Variants in VPS13B observed in about 807,000 individuals in gnomAD.
The protein encoded by VPS13B is vacuolar protein sorting 13 homolog B, also known as intermembrane lipid transfer protein VPS13B.
A neutral mutation model predicts 426.4 loss-of-function variants in VPS13B; 285 were observed. The observed-to-expected ratio is 0.67, with a 90% CI of 0.61 to 0.74. The LOEUF (loss-of-function observed/expected upper bound fraction) is 0.74. Ranked by LOEUF, VPS13B falls within the 30% of genes least tolerant of loss-of-function variation. The probability of loss-of-function intolerance (pLI) is 0.00; values close to 1 mark genes in which losing one functional copy is unlikely to be tolerated. For missense variants in VPS13B, 4,537 were observed against 4,782.6 expected, an observed-to-expected ratio of 0.95 and a Z score of 1.51; for synonymous variants, 1,676 against 1,676.4, an observed-to-expected ratio of 1.00 and a Z score of 0.01.
rs370235149 is a variant in VPS13B, at chr8:99,832,341, A to ATTT, written c.9331-5_9331-3dup. 0.064 allele frequency: 72,512 copies of ATTT among 1,127,398 alleles called. 1,401 individuals are homozygous for ATTT. The highest frequency in any genetic ancestry group is 0.071 in the East Asian group (1,848 of 25,934). 69.8% of individuals were successfully genotyped at this position (1,127,398 alleles called of 1,614,324 possible). A position where few individuals can be genotyped will look rare whatever the true frequency, so the allele number is the denominator to read the frequency against. On this transcript the variant is annotated intron_variant, in intron 51 of 61. Coordinates refer to ENST00000357162, the MANE Select transcript of VPS13B (RefSeq NM_152564.5). ...TTACTGTAGCTAATGTGCTCTCTGC[A>ATTT]TTTTTTTTTTTTTTTTTTTTTTTTT... is the stretch of plus-strand genomic sequence containing the variant.
chr8:99,669,079 A>G (rs1588607981), intron 35 of VPS13B, among the ~76,000 whole-genome samples: 1 of 152,282 alleles, frequency 6.6e-6, no homozygotes, highest in South Asian at 2.1e-4. Flanking sequence ...CAGCACAGTT[A>G]GCCTATAGAA....
At chr8:99,773,005 T>G (rs988687305) in intron 40 of VPS13B, among the ~76,000 whole-genome samples, 4 of 152,174 alleles carry the variant, frequency 2.6e-5, no homozygotes, top group African/African-American at 7.2e-5. Flanking sequence ...GATAATCAAT[T>G]AACATTAACC....
At chr8:99,338,951 C>T (rs1431928576) in intron 19 of VPS13B, among the ~76,000 whole-genome samples, 1 of 152,074 alleles carries the variant, frequency 6.6e-6, no homozygotes, top group African/African-American at 2.4e-5. Flanking sequence ...TAATGAGTAT[C>T]ACAGATCAAA....
In VPS13B at chr8:99,136,717, A is replaced by G; in HGVS notation, c.1616A>G (p.Asp539Gly). The change falls in exon 12 of 62, where the codon GAT becomes GGT. Residue 539 changes from aspartate to glycine, a missense_variant. Asp to Gly is a moderately conservative substitution (Grantham distance 94). Coordinates refer to ENST00000357162, the MANE Select transcript of VPS13B (RefSeq NM_152564.5). Reference protein sequence around the residue: ...GMQRFGAFYMDYLYTMENTSG... With the variant: ...GMQRFGAFYMGYLYTMENTSG... The stretch of plus-strand genomic sequence containing the variant: ...CAACGGTTTGGGGCTTTTTATATGG[A>G]TTACCTGTATACAATGGAGAACACT... The G allele has an allele frequency of 6.2e-7, 1 of 1,613,614 alleles. No homozygotes were observed. Among genetic ancestry groups the G allele is most frequent in the East Asian group, 2.2e-5 (1 of 44,792 alleles).
At chr8:99,649,956 A>G (rs896413547) in intron 34 of VPS13B, among the ~76,000 whole-genome samples, 1 of 152,066 alleles carries the variant, frequency 6.6e-6, no homozygotes, top group East Asian at 1.9e-4. Context: ...CATTGGTCTG[A>G]TTTACTTTTC....
chr8:99,135,733 G>A lies in VPS13B; in HGVS notation c.1563G>A (p.Lys521=), dbSNP rs180177355. ...AEFILDSTHH[K]ETYTEIAGMQ... is the part of the protein sequence containing the mutation. ...TTATCTTGGATTCAACTCATCATAA[G>A]GTTAGAGAATATATATTTGAACCAA... Residue 521 remains lysine (K), a splice_region_variant and synonymous_variant, in exon 11 of 62, where the codon AAG becomes AAA. Coordinates refer to ENST00000357162, the MANE Select transcript of VPS13B (RefSeq NM_152564.5). 6.2e-7 allele frequency: 1 copy of A among 1,613,060 alleles called. No individual in the cohort carries two copies. The highest frequency in any genetic ancestry group is 8.5e-7 in the Non-Finnish European group (1 of 1,179,306).
chr8:99,373,001 C>T (rs952061834), intron 19 of VPS13B, among the ~76,000 whole-genome samples: 1 of 152,146 alleles, frequency 6.6e-6, no homozygotes, highest in Non-Finnish European at 1.5e-5. Context: ...AGAATGAGTT[C>T]ATGTCCTTTG....
intron 25 of VPS13B, among the ~76,000 whole-genome samples, chr8:99,500,202 T>G (rs1034230995): frequency 6.6e-6 from 1 of 152,196 alleles, no homozygotes; most frequent in Non-Finnish European, 1.5e-5. Flanking sequence ...GGTATTTTGT[T>G]CTGACAGTTA....
chr8:99,147,794 A>G (rs1588087450), intron 13 of VPS13B, 47 bp from the exon 14 acceptor site: 1 of 1,246,010 alleles, frequency 8.0e-7, no homozygotes, highest in East Asian at 2.9e-5. Flanking sequence ...GTTTAAGAAT[A>G]TTATTTAAAA....
chr8:99,853,385 A>G, intron 55 of VPS13B, 66 bp from the exon 56 acceptor site: 5 of 1,562,524 alleles, frequency 3.2e-6, no homozygotes, highest in Non-Finnish European at 4.4e-6. Flanking sequence ...CTGTCAATAA[A>G]AAAGAAAGAA....
intron 12 of VPS13B, among the ~76,000 whole-genome samples, chr8:99,139,815 A>G (rs1008521790): frequency 4.6e-5 from 7 of 152,046 alleles, no homozygotes; most frequent in Admixed American, 4.6e-4. Context: ...GAGCTAGGAA[A>G]AGTAATGAGT....
At chr8:99,644,691 CAGT>C (rs1460195269) in intron 34 of VPS13B, among the ~76,000 whole-genome samples, 1 of 152,108 alleles carries the variant, frequency 6.6e-6, no homozygotes, top group Non-Finnish European at 1.5e-5. Flanking sequence ...TATATTATCT[CAGT>C]AGTATGACTC....
intron 43 of VPS13B, among the ~76,000 whole-genome samples, chr8:99,793,284 T>TATATAA (rs1282918685): frequency 2.8e-5 from 4 of 142,534 alleles, no homozygotes; most frequent in African/African-American, 7.8e-5. Flanking sequence ...TATATATATA[T>TATATAA]AAAATACATG....
chr8:99,866,980 C>T (rs941423826), intron 58 of VPS13B, among the ~76,000 whole-genome samples: 1 of 152,228 alleles, frequency 6.6e-6, no homozygotes, highest in Admixed American at 6.5e-5. Context: ...GGTTTGGCAG[C>T]ACGACTCTAG....
At chr8:99,124,428 A>G (rs1210458616) in intron 8 of VPS13B, among the ~76,000 whole-genome samples, 1 of 152,214 alleles carries the variant, frequency 6.6e-6, no homozygotes, top group Non-Finnish European at 1.5e-5. Context: ...TATGTACTCA[A>G]AAGAATAAAA....
chr8:99,512,198 A>G (rs1178108159), intron 29 of VPS13B, among the ~76,000 whole-genome samples: 3 of 152,180 alleles, frequency 2.0e-5, no homozygotes. Context: ...TTACTTTGAG[A>G]TGTGAAATTA....
At chr8:99,151,358 GA>G (rs2132609296) in intron 14 of VPS13B, among the ~76,000 whole-genome samples, 1 of 152,212 alleles carries the variant, frequency 6.6e-6, no homozygotes, top group East Asian at 1.9e-4. Flanking sequence ...TTGCAGAGCA[GA>G]AATTTTGAAT....
At chr8:99,585,562 G>A (rs577439445) in intron 33 of VPS13B, among the ~76,000 whole-genome samples, 6 of 152,060 alleles carry the variant, frequency 3.9e-5, no homozygotes, top group South Asian at 2.1e-4. Context: ...GCACTATATC[G>A]GTAGAATTTT....
At chr8:99,654,749 A>G (rs1829958294) in intron 34 of VPS13B, among the ~76,000 whole-genome samples, 1 of 152,168 alleles carries the variant, frequency 6.6e-6, no homozygotes, top group South Asian at 2.1e-4. Context: ...ATCATACTAC[A>G]AATAAATGTA....
Sources: allele counts gnomAD v4.1 joint callset (sites outside exome capture counted in the v4.1 genomes callset), GRCh38; gene constraint gnomAD v4.1.1; transcripts MANE v1.5; gene names NCBI Gene and HGNC (gene_info 2026-07-23, HGNC 2026-07-21).